CD44: variants seen among roughly 807,000 people sequenced by gnomAD.
The protein encoded by CD44 is CD44 molecule (IN blood group), also known as CD44 antigen.
In CD44, 49 loss-of-function variants were observed where a neutral mutation model predicts 88.8. The ratio of observed to expected loss-of-function variants is 0.55; its 90% confidence interval spans 0.44 to 0.70. The LOEUF (loss-of-function observed/expected upper bound fraction) is 0.70, where lower values mean the gene tolerates loss of function less well. Ranked by LOEUF, CD44 falls within the 30% of genes least tolerant of loss-of-function variation. CD44 has a pLI of 0.00. For missense variants in CD44, 883 were observed against 913.8 expected (o/e 0.97, Z 0.43); for synonymous variants, 325 against 312.3 (o/e 1.04, Z -0.43).
At position 35,204,568 on chromosome 11, in the gene CD44, T is replaced by C. The variant is rs759682038; in HGVS notation, c.1210T>C (p.Phe404Leu). The C allele has an allele frequency of 1.2e-6, 2 of 1,613,384 alleles. No individual in the cohort carries two copies. The highest frequency in any genetic ancestry group is 2.2e-5 in the East Asian group (1 of 44,860). ...EETATQKEQW[F>L]GNRWHEGYRQ... ...AACAGCTACCCAGAAGGAACAGTGG[T>C]TTGGCAACAGATGGCATGAGGGATA... is the stretch of plus-strand genomic sequence containing the variant. Residue 404 changes from phenylalanine to leucine, a missense_variant, in exon 10 of 18, where the codon TTT becomes CTT. Transcript: ENST00000428726.
intron 1 of CD44, among the ~76,000 whole-genome samples, chr11:35,155,771 C>T (rs1941782850): frequency 6.6e-6 from 1 of 152,174 alleles, no homozygotes; most frequent in East Asian, 1.9e-4. Context: ...TCCTACGAAC[C>T]TGAATGAGCA....
chr11:35,142,676 G>A (rs904611205), intron 1 of CD44, among the ~76,000 whole-genome samples: 3 of 152,176 alleles, frequency 2.0e-5, no homozygotes, highest in Non-Finnish European at 4.4e-5. Flanking sequence ...TTACACATTG[G>A]ACATCTACTT....
At chr11:35,201,224 AT>A (rs754481709) in intron 8 of CD44, 29 bp downstream of exon 8, 7 of 1,492,336 alleles carry the variant, frequency 4.7e-6, no homozygotes, top group African/African-American at 4.1e-5. Context: ...TTAATGAAAG[AT>A]TTTTTTCCCC....
intron 2 of CD44, among the ~76,000 whole-genome samples, chr11:35,177,328 G>A (rs1944567993): frequency 6.6e-6 from 1 of 152,190 alleles, no homozygotes; most frequent in Non-Finnish European, 1.5e-5. Flanking sequence ...GCTGCATAGA[G>A]CCTTCCTCAA....
chr11:35,181,586 A>C (rs960333495), intron 3 of CD44, among the ~76,000 whole-genome samples: 3 of 149,576 alleles, frequency 2.0e-5, no homozygotes, highest in Non-Finnish European at 3.0e-5. Flanking sequence ...AGTTTTCCCT[A>C]AAGATGTGAA....
At chr11:35,202,044 C>T (rs1185750774) in intron 9 of CD44, among the ~76,000 whole-genome samples, 1 of 152,098 alleles carries the variant, frequency 6.6e-6, no homozygotes, top group Non-Finnish European at 1.5e-5. Context: ...GTTAAAGGTT[C>T]CTAGAGGTTC....
intron 14 of CD44, 147 bp from the exon 15 acceptor site, chr11:35,214,705 T>G (rs1948679327): frequency 2.4e-6 from 1 of 422,732 alleles, no homozygotes; most frequent in South Asian, 8.0e-5. Context: ...TGTGGACCCA[T>G]TCAAGGCTGT....
intron 4 of CD44, among the ~76,000 whole-genome samples, chr11:35,189,131 A>G (rs1490240997): frequency 1.3e-5 from 2 of 152,200 alleles, no homozygotes; most frequent in Admixed American, 6.5e-5. Context: ...TTCTTCTCCA[A>G]TTCATTCTAG....
At chr11:35,159,697 G>A (rs936841803) in intron 1 of CD44, among the ~76,000 whole-genome samples, 4 of 152,190 alleles carry the variant, frequency 2.6e-5, no homozygotes, top group African/African-American at 9.7e-5. Flanking sequence ...ATAAATGAAT[G>A]GCTGAATTTC....
chr11:35,158,706 C>T (rs12283855), intron 1 of CD44, among the ~76,000 whole-genome samples: 10,299 of 152,236 alleles, frequency 0.068, 631 homozygotes, highest in African/African-American at 0.16. Context: ...AAACATTAGC[C>T]AATAAACTCT....
At chr11:35,166,210 G>A (rs578015884) in intron 1 of CD44, among the ~76,000 whole-genome samples, 189 of 152,302 alleles carry the variant, frequency 1.2e-3, no homozygotes, top group Non-Finnish European at 2.3e-3. Flanking sequence ...AAGATCGTGA[G>A]GCCAGAGGAT....
intron 10 of CD44, 195 bp downstream of exon 10, chr11:35,204,835 A>G: frequency 1.9e-6 from 1 of 528,006 alleles, no homozygotes. Flanking sequence ...GAATGGATAC[A>G]AGCCAGTTAT....
chr11:35,206,221 T>G lies in CD44; in HGVS notation c.1392T>G (p.Gly464=). 2 of 1,609,764 alleles carry G rather than the reference T, an allele frequency of 1.2e-6. No individual in the cohort carries two copies. Among genetic ancestry groups the G allele is most frequent in the South Asian group, 2.2e-5 (2 of 90,358 alleles). ...FNPISHPMGR[G]HQAGRRMDMD... ...CAATCTCACACCCCATGGGACGAGG[T>G]CATCAAGCAGGAAGAAGGATGGGTA... is the stretch of plus-strand genomic sequence containing the variant. Residue 464 remains glycine (G), a synonymous_variant, in exon 11 of 18, where the codon GGT becomes GGG. Coordinates refer to ENST00000428726, the MANE Select transcript of CD44 (RefSeq NM_000610.4).
chr11:35,209,913 G>C, intron 12 of CD44, 52 bp from the exon 13 acceptor site: 1 of 1,222,316 alleles, frequency 8.2e-7, no homozygotes, highest in Non-Finnish European at 1.2e-6. Context: ...CAGATAACAG[G>C]ATTTGTACCG....
chr11:35,201,716 C>G lies in CD44; in HGVS notation c.1082C>G (p.Pro361Arg). The change falls in exon 9 of 18, where the codon CCA becomes CGA. Residue 361 changes from proline (P) to arginine (R), a missense_variant. Transcript: ENST00000428726. ...GTTAYEGNWN[P>R]EAHPPLIHHE... ...ACTGCTTATGAAGGAAACTGGAACC[C>G]AGAAGCACACCCTCCCCTCATTCAC... 6.2e-7 allele frequency: 1 copy of G among 1,613,734 alleles called. No homozygotes were observed. The highest frequency in any genetic ancestry group is 8.5e-7 in the Non-Finnish European group (1 of 1,179,710).
chr11:35,198,083 G>C lies in CD44; in HGVS notation c.797-38G>C, dbSNP rs191756046. On this transcript the variant is annotated intron_variant, in intron 6 of 17. Coordinates refer to ENST00000428726, the MANE Select transcript of CD44 (RefSeq NM_000610.4). ...TCTTCCTTTGCAAGTGGGTTGCTTG[G>C]CGTCCAGCTCAGCCACTAATGCAAG... The C allele has an allele frequency of 1.2e-4, 199 of 1,595,504 alleles. 1 individual carries two copies. In the African/African-American group the frequency reaches 2.4e-3, roughly 19 times the overall value.
chr11:35,208,698 C>T (rs1435354248), intron 12 of CD44, among the ~76,000 whole-genome samples: 5 of 152,060 alleles, frequency 3.3e-5, no homozygotes, highest in Admixed American at 1.3e-4. Flanking sequence ...ACAAAGGTGG[C>T]GGGATCCCTG....
At chr11:35,200,892 G>A (rs982956842) in intron 7 of CD44, among the ~76,000 whole-genome samples, 190 bp from the exon 8 acceptor site, 4 of 152,166 alleles carry the variant, frequency 2.6e-5, no homozygotes, top group Non-Finnish European at 5.9e-5. Flanking sequence ...AGGACACTGA[G>A]ATGCTTACCA....
At chr11:35,228,674 G>A (rs916238064) in intron 17 of CD44, among the ~76,000 whole-genome samples, 2 of 152,170 alleles carry the variant, frequency 1.3e-5, no homozygotes, top group African/African-American at 4.8e-5. Context: ...GATCCCCAAG[G>A]TTTCTTCACT....
Sources: gnomAD v4.1 joint callset for allele counts (sites outside exome capture counted in the v4.1 genomes callset) on GRCh38, gnomAD v4.1.1 for gene constraint, MANE v1.5 for transcripts, NCBI Gene and HGNC (gene_info 2026-07-23, HGNC 2026-07-21) for gene names.